Variants in KCNIP2 observed in about 807,000 individuals in gnomAD.
KCNIP2 encodes the protein potassium voltage-gated channel interacting protein 2.
Under a neutral mutation model 39.0 loss-of-function variants are expected in KCNIP2, and 19 were observed. The ratio of observed to expected loss-of-function variants is 0.49; its 90% CI spans 0.34 to 0.71. The LOEUF is 0.71. KCNIP2 is among the 30% of genes least tolerant of loss of function. The pLI is 0.01. For synonymous variants in KCNIP2, 111 were observed against 131.2 expected (o/e 0.85, Z 1.05); for missense variants, 261 against 346.0 (o/e 0.75, Z 1.95).
chr10:101,839,949 G>A, intron 1 of KCNIP2: 3 of 1,028,778 alleles, frequency 2.9e-6, no homozygotes, highest in Non-Finnish European at 4.1e-6. Flanking sequence ...GGGCCGGCCC[G>A]GCAGGCATAG....
chr10:101,836,774 A>T (rs1015497935), intron 1 of KCNIP2, among the ~76,000 whole-genome samples: 2 of 152,152 alleles, frequency 1.3e-5, no homozygotes, highest in Admixed American at 1.3e-4. Flanking sequence ...CAGCCTGGCC[A>T]AAATGGTGAA....
Position 101,828,248 on chromosome 10 carries a change from G to A in KCNIP2, c.500C>T (p.Ala167Val), listed in dbSNP as rs1564660814. Residue 167 changes from alanine (A) to valine (V), a missense_variant, in exon 7 of 10, where the codon GCT becomes GTT. By Grantham distance (64) the Ala-to-Val change is moderately conservative (BLOSUM62 0). Coordinates refer to ENST00000356640, the MANE Select transcript of KCNIP2 (RefSeq NM_173191.3). The surrounding 1 kb of genome is among the most constrained non-coding windows in gnomAD (Gnocchi z 6.6). ...TCCCCGAAGAATCACGGACAAACCA[G>A]CCACAAAGTCCTGGGAAGGAGGCAG... ...DGSVSFEDFV[A>V]GLSVILRGTV... 2 of 1,614,092 alleles carry A rather than the reference G, an allele frequency of 1.2e-6. No individual in the cohort carries two copies. Among genetic ancestry groups the A allele is most frequent in the Non-Finnish European group, 1.7e-6 (2 of 1,179,988 alleles).
intron 1 of KCNIP2, among the ~76,000 whole-genome samples, chr10:101,837,028 C>T (rs2066183439): frequency 6.6e-6 from 1 of 152,078 alleles, no homozygotes; most frequent in Non-Finnish European, 1.5e-5. Context: ...ACCTGGGAGG[C>T]TAAGGTGGGG....
chr10:101,839,681 T>C (rs1428899103), intron 1 of KCNIP2: 5 of 1,388,976 alleles, frequency 3.6e-6, no homozygotes, highest in Non-Finnish European at 5.1e-6. Flanking sequence ...CCTCCCTACC[T>C]CTGCGGAGCT....
chr10:101,828,535 C>T lies in KCNIP2; in HGVS notation c.419-76G>A, dbSNP rs2065830605. 2.4e-5 allele frequency: 38 copies of T among 1,597,426 alleles called. No individual in the cohort carries two copies. Among genetic ancestry groups the T allele is most frequent in the South Asian group, 6.6e-5 (6 of 90,364 alleles). On this transcript the variant is annotated intron_variant, in intron 5 of 9. Coordinates refer to ENST00000356640, the MANE Select transcript of KCNIP2 (RefSeq NM_173191.3). The surrounding 1 kb of genome is among the most constrained non-coding windows in gnomAD (Gnocchi z 6.6). ...CCCTCTAAGGAGCTCCCCATACCCCCCATCACCTTGGCATTCCCAGCTCCT... is the reference window on the plus strand; with the variant it reads ...CCCTCTAAGGAGCTCCCCATACCCCTCATCACCTTGGCATTCCCAGCTCCT...
Position 101,828,474 on chromosome 10 carries a change from TGGA to T in KCNIP2, c.419-18_419-16del. ...GGTGCTGGAGTCTGCAGGGTGAGTG[TGGA>T]GAAGTTGGCTTCCACACAGGAGAGG... On this transcript the variant is annotated splice_polypyrimidine_tract_variant and intron_variant, in intron 5 of 9. Transcript: ENST00000356640. The surrounding 1 kb of genome is among the most constrained non-coding windows in gnomAD (Gnocchi z 6.6). 6.2e-7 allele frequency: 1 copy of T among 1,613,686 alleles called. No individual in the cohort carries two copies. Among genetic ancestry groups the T allele is most frequent in the African/African-American group, 1.3e-5 (1 of 75,002 alleles).
In KCNIP2 at chr10:101,829,108, C is replaced by T. The variant is rs751961631; in HGVS notation, c.315G>A (p.Lys105=). ...AGCCCCGGTACAGGACCTGCAACTC[C>T]TTGCGCGTGAATTTGGTTTGCTCCT... ...QLQEQTKFTR[K]ELQVLYRGFK... is the part of the protein sequence containing the mutation. The change falls in exon 4 of 10, where the codon AAG becomes AAA. Residue 105 remains lysine (K), a synonymous_variant. Transcript: ENST00000356640. The T allele has an allele frequency of 8.1e-6, 13 of 1,614,086 alleles. No homozygotes were observed. The highest frequency in any genetic ancestry group is 1.1e-5 in the Non-Finnish European group (13 of 1,180,034).
At position 101,828,308 on chromosome 10, in the gene KCNIP2, C is replaced by A. The variant is rs755552127; in HGVS notation, c.490-50G>T. 6.2e-7 allele frequency: 1 copy of A among 1,610,660 alleles called. No individual in the cohort carries two copies. Among genetic ancestry groups the A allele is most frequent in the Admixed American group, 1.7e-5 (1 of 60,022 alleles). On this transcript the variant is annotated intron_variant, in intron 6 of 9. Transcript: ENST00000356640. This position sits in a 1 kb window ranked among gnomAD's most constrained non-coding sequence, Gnocchi z 6.6. ...GTGTCCTCGGGTACTCTTCACCCAA[C>A]TCCTTCTCTGGGTTTGGCCTGGAGA...
At position 101,843,511 on chromosome 10, in the gene KCNIP2, A is replaced by T; in HGVS notation, c.58T>A (p.Tyr20Asn). Residue 20 changes from tyrosine (Y) to asparagine (N), a missense_variant, in exon 1 of 10, where the codon TAC (tyrosine) becomes AAC (asparagine). Coordinates refer to ENST00000356640, the MANE Select transcript of KCNIP2 (RefSeq NM_173191.3). The surrounding 1 kb of genome is among the most constrained non-coding windows in gnomAD (Gnocchi z 6.7). ...ACTGACTCACCCGTGAGCTGGTCGT[A>T]GGAGCCGTCCAGGTCTCGGGAATCG... ...LSDSRDLDGS[Y>N]DQLTGHPPGP... 1 of 1,579,604 alleles carries T rather than the reference A, an allele frequency of 6.3e-7. No homozygotes were observed. Among genetic ancestry groups the T allele is most frequent in the Non-Finnish European group, 8.6e-7 (1 of 1,164,044 alleles).
rs189214127 is a variant in KCNIP2 at position 101,840,803 on chromosome 10, C to A, written c.73+2693G>T. Among the ~76,000 whole-genome samples, 13 of 152,280 alleles carry A rather than the reference C, an allele frequency of 8.5e-5. No individual in the cohort carries two copies. In the East Asian group the frequency reaches 2.5e-3, roughly 30 times the overall value. On this transcript the variant is annotated intron_variant, in intron 1 of 9. Coordinates refer to ENST00000356640, the MANE Select transcript of KCNIP2 (RefSeq NM_173191.3). ...TCCACTTGACGGCGACTATCCCCACCGCAAAGCAGCTCCGTGCGCATGGCT... is the reference window on the plus strand; with the variant it reads ...TCCACTTGACGGCGACTATCCCCACAGCAAAGCAGCTCCGTGCGCATGGCT...
chr10:101,831,824 G>C (rs996962096), intron 1 of KCNIP2, among the ~76,000 whole-genome samples: 1 of 152,148 alleles, frequency 6.6e-6, no homozygotes, highest in Admixed American at 6.5e-5. Flanking sequence ...AGTCTACAAA[G>C]AACACTATGA....
chr10:101,833,283 CCCCAATATTACTCTCCCT>C (rs1355879133), intron 1 of KCNIP2, among the ~76,000 whole-genome samples: 5 of 152,140 alleles, frequency 3.3e-5, no homozygotes, highest in Admixed American at 3.3e-4. Context: ...CCCCACTCCA[CCCCAATATTACTCTCCCT>C]ACTGACTTTG....
At position 101,843,397 on chromosome 10, in the gene KCNIP2, CAGAGT is replaced by C; in HGVS notation, c.73+94_73+98del. On this transcript the variant is annotated intron_variant, in intron 1 of 9. Transcript: ENST00000356640. This position sits in a 1 kb window ranked among gnomAD's most constrained non-coding sequence, Gnocchi z 6.7. ...GCCATAAGAGTGCCTGGGAATGGGG[CAGAGT>C]GTGGGTGCGGGCCAGGCCGGGGTCG... The C allele has an allele frequency of 5.6e-6, 4 of 708,548 alleles. No individual in the cohort carries two copies. Among genetic ancestry groups the C allele is most frequent in the Non-Finnish European group, 8.4e-6 (4 of 478,522 alleles). The allele number at this position is 708,548 out of a possible 1,614,324, so 43.9% of individuals were successfully genotyped here. A position where few individuals can be genotyped will look rare whatever the true frequency, so the allele number is the denominator to read the frequency against.
rs1389172948 is a variant in KCNIP2 at position 101,828,958 on chromosome 10, C to T, written c.348+117G>A. 78 of 1,522,378 alleles carry T rather than the reference C, an allele frequency of 5.1e-5. No individual in the cohort carries two copies. In the East Asian group the frequency reaches 1.6e-3, roughly 31 times the overall value. 94.3% of individuals were successfully genotyped at this position (1,522,378 alleles called of 1,614,324 possible). ...TCCAGCTAGAAGTTCAGTCTCAGGGCCTTGCCTCCCTTCCGCCCACACCTC... is the reference window on the plus strand; with the variant it reads ...TCCAGCTAGAAGTTCAGTCTCAGGGTCTTGCCTCCCTTCCGCCCACACCTC... On this transcript the variant is annotated intron_variant, in intron 4 of 9. Coordinates refer to ENST00000356640, the MANE Select transcript of KCNIP2 (RefSeq NM_173191.3). The surrounding 1 kb of genome is among the most constrained non-coding windows in gnomAD (Gnocchi z 6.6).
At chr10:101,827,563 A>G (rs2065783114) in intron 9 of KCNIP2, 126 bp downstream of exon 9, 1 of 1,321,652 alleles carries the variant, frequency 7.6e-7, no homozygotes, top group Non-Finnish European at 1.1e-6. Context: ...GCCTCCCACA[A>G]AGGAATAGGA....
chr10:101,832,300 G>C (rs2066019462), intron 1 of KCNIP2, among the ~76,000 whole-genome samples: 1 of 34,576 alleles, frequency 2.9e-5, no homozygotes, highest in Non-Finnish European at 7.2e-5. Flanking sequence ...GTGTTACTGT[G>C]TGTGTGTGTG....
chr10:101,835,141 G>A (rs2066113534), intron 1 of KCNIP2, among the ~76,000 whole-genome samples: 1 of 152,154 alleles, frequency 6.6e-6, no homozygotes, highest in South Asian at 2.1e-4. Flanking sequence ...TGGATGTGTT[G>A]TATAATTTGG....
At chr10:101,841,289 C>G (rs1427715356) in intron 1 of KCNIP2, among the ~76,000 whole-genome samples, 1 of 152,192 alleles carries the variant, frequency 6.6e-6, no homozygotes, top group Non-Finnish European at 1.5e-5. Context: ...CCAGGAATCC[C>G]AACTGCAGGG....
At chr10:101,830,093 C>T in intron 2 of KCNIP2, 196 bp from the exon 3 acceptor site, 1 of 686,392 alleles carries the variant, frequency 1.5e-6, no homozygotes, top group Non-Finnish European at 2.5e-6. Context: ...GAATCCACCC[C>T]CGTGTGGGAC....
Sources: gnomAD v4.1 joint callset for allele counts (sites outside exome capture counted in the v4.1 genomes callset) on GRCh38, gnomAD v4.1.1 for gene constraint, Gnocchi (gnomAD v3.1) non-coding constraint, MANE v1.5 for transcripts, NCBI Gene and HGNC (gene_info 2026-07-23, HGNC 2026-07-21) for gene names.